The following TMCO1 variants were observed in gnomAD, a reference collection of about 807,000 sequenced individuals.
TMCO1 encodes transmembrane and coiled-coil domains 1.
A neutral mutation model predicts 29.3 loss-of-function variants in TMCO1; 29 were observed. The ratio of observed to expected loss-of-function variants is 0.99; its 90% confidence interval spans 0.74 to 1.35. TMCO1 has a LOEUF of 1.35. Ranked by LOEUF, TMCO1 falls within the 40% of genes most tolerant of loss-of-function variation. TMCO1 has a pLI of 0.00. For synonymous variants in TMCO1, 80 were observed against 77.1 expected (o/e 1.04, Z -0.20); for missense variants, 173 against 225.5 (o/e 0.77, Z 1.49).
intron 5 of TMCO1, 70 bp from the exon 6 acceptor site, chr1:165,743,381 A>C (rs1200567519): frequency 5.3e-6 from 8 of 1,512,890 alleles, no homozygotes; most frequent in Non-Finnish European, 7.3e-6. Flanking sequence ...TCCAAAGAAG[A>C]ATCTGGGACA....
At chr1:165,746,453 T>TCACACACACACACACACACACACA (rs59467463) in intron 5 of TMCO1, among the ~76,000 whole-genome samples, 1 of 132,326 alleles carries the variant, frequency 7.6e-6, no homozygotes, top group African/African-American at 2.9e-5. Flanking sequence ...AAGACCTATA[T>TCACACACACACACACACACACACA]CACACACACA....
chr1:165,734,645 A>G (rs1348499245), intron 6 of TMCO1, among the ~76,000 whole-genome samples: 1 of 152,084 alleles, frequency 6.6e-6, no homozygotes, highest in African/African-American at 2.4e-5. Flanking sequence ...AGCTGGGATT[A>G]CAGGCGCCTG....
intron 3 of TMCO1, among the ~76,000 whole-genome samples, 170 bp downstream of exon 3, chr1:165,759,355 A>G (rs1652314178): frequency 6.6e-6 from 1 of 152,210 alleles, no homozygotes; most frequent in Non-Finnish European, 1.5e-5. Context: ...TGTCCTGTAC[A>G]CCTCACAAAA....
intron 3 of TMCO1, among the ~76,000 whole-genome samples, chr1:165,756,706 T>C (rs1652204226): frequency 2.0e-5 from 3 of 152,202 alleles, no homozygotes; most frequent in African/African-American, 7.2e-5. Flanking sequence ...ATCAATGACA[T>C]TTTGCTTCTC....
chr1:165,766,094 C>T (rs749099308), intron 2 of TMCO1, among the ~76,000 whole-genome samples: 1 of 152,094 alleles, frequency 6.6e-6, no homozygotes, highest in Non-Finnish European at 1.5e-5. Flanking sequence ...GGAAACCCAA[C>T]AGTATCTGCA....
At chr1:165,753,586 C>T (rs528844880) in intron 4 of TMCO1, among the ~76,000 whole-genome samples, 7 of 149,938 alleles carry the variant, frequency 4.7e-5, no homozygotes, top group African/African-American at 1.7e-4. Flanking sequence ...CCCAGGAATT[C>T]AAGATCAGTG....
intron 6 of TMCO1, among the ~76,000 whole-genome samples, chr1:165,741,258 A>G (rs983582157): frequency 6.6e-6 from 1 of 152,104 alleles, no homozygotes; most frequent in African/African-American, 2.4e-5. Context: ...CCTTCTATTT[A>G]TTTCTCAATC....
In TMCO1 at chr1:165,727,848, AT is replaced by A. The variant is rs780739996; in HGVS notation, c.*174del. The stretch of plus-strand genomic sequence containing the variant: ...AAAATCATCTAGGACCAAAAGCACT[AT>A]CAAGTTTGCTGGCTGCCATTTTCAC... On this transcript the variant is annotated 3_prime_UTR_variant, in exon 7 of 7. Coordinates refer to ENST00000367881, the MANE Select transcript of TMCO1 (RefSeq NM_019026.6). 69 of 550,292 alleles carry A rather than the reference AT, an allele frequency of 1.3e-4. No individual in the cohort carries two copies. The East Asian group carries it at 2.1e-3, about 17-fold the overall frequency. The allele number at this position is 550,292 out of a possible 1,614,324, so 34.1% of individuals were successfully genotyped here. A position where few individuals can be genotyped will look rare whatever the true frequency, so the allele number is the denominator to read the frequency against.
intron 4 of TMCO1, 43 bp downstream of exon 4, chr1:165,754,185 A>G: frequency 6.5e-7 from 1 of 1,547,192 alleles, no homozygotes; most frequent in South Asian, 1.1e-5. Context: ...TTTTGCTAAA[A>G]ATATTATGTG....
intron 3 of TMCO1, among the ~76,000 whole-genome samples, chr1:165,755,195 A>C (rs1652147888): frequency 6.6e-6 from 1 of 152,206 alleles, no homozygotes; most frequent in Non-Finnish European, 1.5e-5. Flanking sequence ...GGAATACTCC[A>C]AAAATGGAGG....
At chr1:165,766,959 C>T (rs1020536200) in intron 2 of TMCO1, among the ~76,000 whole-genome samples, 3 of 151,982 alleles carry the variant, frequency 2.0e-5, no homozygotes, top group Non-Finnish European at 4.4e-5. Flanking sequence ...GTAAAGATAA[C>T]GAGTTTGGCC....
chr1:165,761,171 T>TTG (rs375747060), intron 2 of TMCO1, among the ~76,000 whole-genome samples: 35,508 of 150,144 alleles, frequency 0.24, 4,905 homozygotes, highest in East Asian at 0.57. Context: ...TTTTGTGTAT[T>TTG]TGTGTGTGTG....
intron 5 of TMCO1, among the ~76,000 whole-genome samples, 160 bp from the exon 6 acceptor site, chr1:165,743,471 G>A (rs73022516): frequency 1.3e-5 from 2 of 152,060 alleles, no homozygotes; most frequent in Non-Finnish European, 2.9e-5. Flanking sequence ...CCTGATGTAC[G>A]GTGATGTAAA....
At chr1:165,761,499 C>T (rs976039815) in intron 2 of TMCO1, among the ~76,000 whole-genome samples, 1 of 151,722 alleles carries the variant, frequency 6.6e-6, no homozygotes, top group Non-Finnish European at 1.5e-5. Flanking sequence ...CACTTCACTG[C>T]ACTCCAGCCT....
intron 6 of TMCO1, among the ~76,000 whole-genome samples, chr1:165,729,132 T>C (rs1651024601): frequency 6.7e-6 from 1 of 148,266 alleles, no homozygotes; most frequent in Admixed American, 6.7e-5. Flanking sequence ...AAAAAACCAG[T>C]TTCAATTTCT....
At chr1:165,748,932 A>G (rs1651899840) in intron 5 of TMCO1, among the ~76,000 whole-genome samples, 1 of 152,160 alleles carries the variant, frequency 6.6e-6, no homozygotes, top group Admixed American at 6.6e-5. Context: ...CAGGAATCGT[A>G]CAGTATACAG....
chr1:165,749,312 G>A, intron 5 of TMCO1, among the ~76,000 whole-genome samples: 1 of 151,706 alleles, frequency 6.6e-6, no homozygotes, highest in East Asian at 1.9e-4. Flanking sequence ...CCCCGTATAT[G>A]ATTCTGATGC....
chr1:165,758,699 T>C (rs1226969702), intron 3 of TMCO1, among the ~76,000 whole-genome samples: 4 of 152,240 alleles, frequency 2.6e-5, no homozygotes, highest in Non-Finnish European at 5.9e-5. Context: ...TTCTACTTTG[T>C]TTCTCCAATG....
intron 5 of TMCO1, among the ~76,000 whole-genome samples, chr1:165,751,158 T>C (rs1651980184): frequency 6.6e-6 from 1 of 152,212 alleles, no homozygotes. Context: ...GTCTGCTATA[T>C]GCTGGTTTAG....
Sources: gnomAD v4.1 joint callset for allele counts (sites outside exome capture counted in the v4.1 genomes callset) on GRCh38, gnomAD v4.1.1 for gene constraint, MANE v1.5 for transcripts, NCBI Gene and HGNC (gene_info 2026-07-23, HGNC 2026-07-21) for gene names.